Variants in DACH2 observed in about 807,000 individuals in gnomAD.
DACH2 encodes the protein dachshund homolog 2.
DACH2 carries 17 observed loss-of-function variants against 35.8 expected under a neutral mutation model. The observed-to-expected ratio is 0.48, with a 90% confidence interval of 0.33 to 0.71. DACH2 has a LOEUF of 0.71. Among genes scored for constraint, DACH2 ranks in the 30% least tolerant of loss-of-function variants. The pLI, the probability that DACH2 is intolerant of heterozygous loss-of-function variation, is 0.02. For synonymous variants in DACH2, 195 were observed against 177.3 expected (o/e 1.10, Z -0.79); for missense variants, 469 against 472.7 (o/e 0.99, Z 0.07).
chrX:86,812,749 A>T (rs1258775122), intron 7 of DACH2, 107 bp from the exon 8 acceptor site: 2 of 464,960 alleles, frequency 4.3e-6, no homozygotes, highest in Non-Finnish European at 6.8e-6. Context: ...AATGTCAGTC[A>T]TTTAGTTTTA....
intron 7 of DACH2, among the ~76,000 whole-genome samples, chrX:86,791,216 C>A (rs1313599692): frequency 9.0e-6 from 1 of 110,509 alleles, no homozygotes; most frequent in Non-Finnish European, 1.9e-5. Flanking sequence ...GTTCAAGGGT[C>A]AGCTGTAGTA....
chrX:86,638,267 T>A (rs764654162), intron 3 of DACH2, among the ~76,000 whole-genome samples: 1 of 111,859 alleles, frequency 8.9e-6, no homozygotes, highest in Non-Finnish European at 1.9e-5. Flanking sequence ...TAGCTCCAGA[T>A]GGATTAACGA....
chrX:86,478,394 T>G (rs1602564633), intron 2 of DACH2, among the ~76,000 whole-genome samples: 1 of 110,432 alleles, frequency 9.1e-6, no homozygotes, highest in Middle Eastern at 4.7e-3. Flanking sequence ...GGGTAAAAGG[T>G]TTTTTCCTTC....
intron 1 of DACH2, among the ~76,000 whole-genome samples, chrX:86,291,035 A>G (rs1301453209): frequency 9.6e-6 from 1 of 103,922 alleles, no homozygotes; most frequent in Middle Eastern, 4.4e-3. Flanking sequence ...TTTTCACGAT[A>G]TTGATTCTTC....
intron 3 of DACH2, among the ~76,000 whole-genome samples, chrX:86,545,786 A>G (rs1283533804): frequency 9.0e-6 from 1 of 111,693 alleles, no homozygotes; most frequent in Non-Finnish European, 1.9e-5. Context: ...TTAAGGGTTG[A>G]TTATATTACA....
intron 1 of DACH2, among the ~76,000 whole-genome samples, chrX:86,287,121 C>T (rs1569330727): frequency 9.0e-6 from 1 of 110,914 alleles, no homozygotes; most frequent in Non-Finnish European, 1.9e-5. Context: ...CTTTATTTCT[C>T]CTTCATGTTT....
In DACH2 at chrX:86,148,585, G is replaced by C; in HGVS notation, c.-36G>C. The C allele has an allele frequency of 3.5e-6, 4 of 1,127,136 alleles. No individual in the cohort carries two copies. The highest frequency in any genetic ancestry group is 4.7e-6 in the Non-Finnish European group (4 of 854,553). The allele number at this position is 1,127,136 out of a possible 1,213,427, so 92.9% of individuals were successfully genotyped here. A position where few individuals can be genotyped will look rare whatever the true frequency, so the allele number is the denominator to read the frequency against. On this transcript the variant is annotated 5_prime_UTR_variant, in exon 1 of 12. Coordinates refer to ENST00000373125, the MANE Select transcript of DACH2 (RefSeq NM_053281.3). Reference sequence around the variant, plus strand: ...TCTAGAGGAGTCAGGGCGAGAAAGCGAGGGCCGGAGGACCCACGATAGAGA... The same window carrying C: ...TCTAGAGGAGTCAGGGCGAGAAAGCCAGGGCCGGAGGACCCACGATAGAGA...
At chrX:86,196,242 A>G (rs73236892) in intron 1 of DACH2, among the ~76,000 whole-genome samples, 45,804 of 110,815 alleles carry the variant, frequency 0.41, 7,902 homozygotes, top group Non-Finnish European at 0.55. Flanking sequence ...AGAAAAGAAC[A>G]TTAACTGATA....
intron 1 of DACH2, among the ~76,000 whole-genome samples, chrX:86,254,825 G>T (rs1391174594): frequency 3.3e-5 from 3 of 90,681 alleles, no homozygotes; most frequent in Non-Finnish European, 6.4e-5. Context: ...GAGAGAGAGA[G>T]AGAGAGAGAG....
intron 2 of DACH2, among the ~76,000 whole-genome samples, chrX:86,431,874 G>A (rs772654311): frequency 5.4e-5 from 6 of 111,449 alleles, no homozygotes; most frequent in African/African-American, 1.6e-4. Context: ...TGTAAAGGTA[G>A]CACTAATTAT....
intron 1 of DACH2, among the ~76,000 whole-genome samples, chrX:86,297,631 T>C (rs967502867): frequency 4.5e-5 from 5 of 112,154 alleles, no homozygotes; most frequent in African/African-American, 1.6e-4. Context: ...AAATTGGTGA[T>C]AGCTGAATTG....
rs888792909 is a variant in DACH2 at position 86,503,384 on chromosome X, A to T, written c.528-10895A>T. ...CCATCCTATCCTTATAGGCCTGTAC[A>T]TCTGAACAGGATTTGAATCTAAAGT... On this transcript the variant is annotated intron_variant, in intron 2 of 11. Coordinates refer to ENST00000373125, the MANE Select transcript of DACH2 (RefSeq NM_053281.3). 2.7e-5 allele frequency among the ~76,000 whole-genome samples: 3 copies of T among 112,382 alleles called. No homozygotes were observed. The Admixed American group carries it at 2.8e-4, about 11-fold the overall frequency.
chrX:86,194,393 A>G (rs1232656062), intron 1 of DACH2, among the ~76,000 whole-genome samples: 3 of 111,711 alleles, frequency 2.7e-5, no homozygotes, highest in African/African-American at 9.8e-5. Flanking sequence ...GCCAGTTGAA[A>G]CAGCTGCCAC....
At chrX:86,450,004 T>C (rs2037343515) in intron 2 of DACH2, among the ~76,000 whole-genome samples, 1 of 111,910 alleles carries the variant, frequency 8.9e-6, no homozygotes, top group Non-Finnish European at 1.9e-5. Context: ...AGGTTACTCA[T>C]TAATGTATTT....
At chrX:86,793,016 A>C (rs2042201451) in intron 7 of DACH2, among the ~76,000 whole-genome samples, 1 of 111,284 alleles carries the variant, frequency 9.0e-6, no homozygotes, top group South Asian at 3.7e-4. Flanking sequence ...CCTTTTCTCC[A>C]CATCTTCTCC....
chrX:86,194,640 C>G (rs1432901087), intron 1 of DACH2, among the ~76,000 whole-genome samples: 2 of 112,665 alleles, frequency 1.8e-5, no homozygotes, highest in Admixed American at 1.9e-4. Flanking sequence ...CAGAAGGAGA[C>G]AGACCCCTTG....
intron 2 of DACH2, among the ~76,000 whole-genome samples, chrX:86,499,370 A>G (rs1473723184): frequency 9.0e-6 from 1 of 111,651 alleles, no homozygotes; most frequent in Non-Finnish European, 1.9e-5. Flanking sequence ...CCCACTCCAA[A>G]AAAAGACAGG....
intron 3 of DACH2, among the ~76,000 whole-genome samples, chrX:86,605,101 C>T (rs2039839999): frequency 8.9e-6 from 1 of 111,918 alleles, no homozygotes; most frequent in Non-Finnish European, 1.9e-5. Flanking sequence ...AGACTGCTGG[C>T]CTACAGAAAC....
At chrX:86,470,543 T>C (rs1261324762) in intron 2 of DACH2, among the ~76,000 whole-genome samples, 1 of 111,705 alleles carries the variant, frequency 9.0e-6, no homozygotes, top group African/African-American at 3.2e-5. Flanking sequence ...TGAAAATTAA[T>C]ACAATATGGA....
Sources: gnomAD v4.1 joint callset for allele counts (sites outside exome capture counted in the v4.1 genomes callset) on GRCh38, gnomAD v4.1.1 for gene constraint, MANE v1.5 for transcripts, NCBI Gene and HGNC (gene_info 2026-07-23, HGNC 2026-07-21) for gene names.